Variants in GPC5 observed in about 807,000 individuals in gnomAD.
The protein encoded by GPC5 is glypican-5.
In GPC5, 47 loss-of-function variants were observed where a neutral mutation model predicts 53.9. The ratio of observed to expected loss-of-function variants is 0.87; its 90% CI spans 0.69 to 1.11. GPC5 has a LOEUF of 1.11. Among genes scored for constraint, GPC5 ranks in the 50% most tolerant of loss-of-function variants. The pLI, the probability that GPC5 is intolerant of heterozygous loss-of-function variation, is 0.00. For synonymous variants in GPC5, 286 were observed against 263.3 expected (o/e 1.09, Z -0.84); for missense variants, 748 against 713.1 (o/e 1.05, Z -0.56).
Position 92,159,372 on chromosome 13 carries a change from G to A in GPC5, c.1561+14383G>A, listed in dbSNP as rs114145825. On this transcript the variant is annotated intron_variant, in intron 7 of 7. Transcript: ENST00000377067. ...TTATATTAGCAGCTAGGATAAACCC[G>A]TTGAAGGGAGGTACCAGCTAACTTT... Among the ~76,000 whole-genome samples, 346 of 152,176 alleles carry A rather than the reference G, an allele frequency of 2.3e-3. 3 individuals carry two copies. Among genetic ancestry groups the A allele is most frequent in the African/African-American group, 7.9e-3 (329 of 41,522 alleles).
rs866952499 is a variant in GPC5, at chr13:91,594,968, G to A, written c.326-98219G>A. 2.3e-4 allele frequency among the ~76,000 whole-genome samples: 35 copies of A among 151,096 alleles called. No individual in the cohort carries two copies. The Middle Eastern group carries it at 0.01, about 44-fold the overall frequency. On this transcript the variant is annotated intron_variant, in intron 2 of 7. Coordinates refer to ENST00000377067, the MANE Select transcript of GPC5 (RefSeq NM_004466.6). ...TACAGGCATGAGCCACCTTGCCCAG[G>A]CTTATTTTTTTATTTACATTTATTT...
intron 6 of GPC5, among the ~76,000 whole-genome samples, chr13:92,016,968 A>G (rs1248068647): frequency 1.3e-5 from 2 of 152,158 alleles, no homozygotes; most frequent in Non-Finnish European, 2.9e-5. Context: ...CAATGGTGAA[A>G]GTACTGTCTC....
intron 6 of GPC5, among the ~76,000 whole-genome samples, chr13:92,035,990 G>A (rs1373662902): frequency 1.3e-5 from 2 of 152,098 alleles, no homozygotes; most frequent in Admixed American, 6.5e-5. Context: ...TCCAAAGTAA[G>A]GCTGATAAAT....
At chr13:92,241,089 C>T (rs1445154194) in intron 7 of GPC5, 3 of 152,022 alleles carry the variant, frequency 2.0e-5, no homozygotes, top group Non-Finnish European at 4.4e-5. Context: ...TTAAGCAAGT[C>T]CCCAATTAAC....
At chr13:92,115,669 T>G (rs781333962) in intron 6 of GPC5, among the ~76,000 whole-genome samples, 41 of 152,324 alleles carry the variant, frequency 2.7e-4, no homozygotes, top group Middle Eastern at 3.4e-3. Flanking sequence ...GAGTCTGGCA[T>G]CTTTCTCATG....
At chr13:91,949,387 A>T (rs1222227562) in intron 6 of GPC5, among the ~76,000 whole-genome samples, 1 of 152,240 alleles carries the variant, frequency 6.6e-6, no homozygotes, top group African/African-American at 2.4e-5. Flanking sequence ...ATAACTCTAT[A>T]GAAATGAACA....
intron 7 of GPC5, among the ~76,000 whole-genome samples, chr13:92,795,287 G>T (rs1293776811): frequency 6.6e-6 from 1 of 152,132 alleles, no homozygotes; most frequent in African/African-American, 2.4e-5. Flanking sequence ...ATGGGGAAAG[G>T]ATTCCCTATT....
At chr13:92,185,313 T>C (rs894684805) in intron 7 of GPC5, among the ~76,000 whole-genome samples, 2 of 152,220 alleles carry the variant, frequency 1.3e-5, no homozygotes, top group Non-Finnish European at 2.9e-5. Flanking sequence ...AATACAATAA[T>C]TTTGATCTTC....
At chr13:92,381,724 A>G (rs2043740413) in intron 7 of GPC5, among the ~76,000 whole-genome samples, 1 of 151,650 alleles carries the variant, frequency 6.6e-6, no homozygotes, top group Non-Finnish European at 1.5e-5. Flanking sequence ...AGCACAATTC[A>G]CAATTGCAAA....
chr13:91,541,219 C>CT (rs2029907879), intron 2 of GPC5, among the ~76,000 whole-genome samples: 1 of 151,980 alleles, frequency 6.6e-6, no homozygotes, highest in Non-Finnish European at 1.5e-5. Flanking sequence ...AATATTTTTG[C>CT]TACATATTTT....
chr13:91,470,142 G>A (rs1341686183), intron 2 of GPC5, among the ~76,000 whole-genome samples: 1 of 152,170 alleles, frequency 6.6e-6, no homozygotes, highest in Admixed American at 6.5e-5. Context: ...GCAGCAGCCA[G>A]AACAATTAAA....
intron 6 of GPC5, among the ~76,000 whole-genome samples, chr13:92,134,551 A>G (rs1056080971): frequency 6.6e-6 from 1 of 152,124 alleles, no homozygotes; most frequent in Non-Finnish European, 1.5e-5. Context: ...ACCACACTAT[A>G]AATATAATAA....
At chr13:91,747,131 C>A (rs2037067422) in intron 4 of GPC5, among the ~76,000 whole-genome samples, 1 of 152,102 alleles carries the variant, frequency 6.6e-6, no homozygotes, top group Non-Finnish European at 1.5e-5. Flanking sequence ...TTATTTTACA[C>A]CTTACTAAAA....
intron 6 of GPC5, among the ~76,000 whole-genome samples, chr13:91,981,830 T>C (rs1163839849): frequency 2.6e-5 from 4 of 152,212 alleles, no homozygotes; most frequent in African/African-American, 9.6e-5. Flanking sequence ...GGACTGTTTT[T>C]TTATGTTCCA....
At chr13:91,508,378 T>G (rs1194430169) in intron 2 of GPC5, among the ~76,000 whole-genome samples, 1 of 152,184 alleles carries the variant, frequency 6.6e-6, no homozygotes, top group Non-Finnish European at 1.5e-5. Context: ...GCCATATTGT[T>G]AGACGAATAG....
At chr13:92,574,847 C>G (rs563805323) in intron 7 of GPC5, among the ~76,000 whole-genome samples, 51 of 152,222 alleles carry the variant, frequency 3.4e-4, no homozygotes, top group African/African-American at 1.2e-3. Context: ...ATTTGCTGGT[C>G]TTATCTAGCA....
At chr13:92,127,098 T>C (rs1460839253) in intron 6 of GPC5, among the ~76,000 whole-genome samples, 1 of 151,878 alleles carries the variant, frequency 6.6e-6, no homozygotes, top group African/African-American at 2.4e-5. Context: ...GAAAGAATTA[T>C]AATGGAAGGG....
intron 7 of GPC5, among the ~76,000 whole-genome samples, chr13:92,205,088 T>C (rs1299839823): frequency 6.6e-6 from 1 of 152,004 alleles, no homozygotes; most frequent in East Asian, 1.9e-4. Context: ...CCATGTTAGC[T>C]AAGATGGTCT....
At chr13:91,582,301 T>C (rs2032393872) in intron 2 of GPC5, among the ~76,000 whole-genome samples, 1 of 152,208 alleles carries the variant, frequency 6.6e-6, no homozygotes, top group Admixed American at 6.5e-5. Flanking sequence ...CTAATATTTC[T>C]GGTAAACTCC....
Sources: allele counts gnomAD v4.1 joint callset (sites outside exome capture counted in the v4.1 genomes callset), GRCh38; gene constraint gnomAD v4.1.1; transcripts MANE v1.5; gene names NCBI Gene and HGNC (gene_info 2026-07-23, HGNC 2026-07-21).